LBHD2: variants seen among roughly 807,000 people sequenced by gnomAD.
LBHD2 encodes the protein LBH domain containing 2.
chr14:103,089,596 C>G (rs1889683711), intron 3 of LBHD2, 101 bp from the exon 4 acceptor site: 1 of 398,244 alleles, frequency 2.5e-6, no homozygotes, highest in East Asian at 3.6e-5. Context: ...CCTGGCCTGC[C>G]CCAGCCCAGT....
intron 2 of LBHD2, among the ~76,000 whole-genome samples, chr14:103,086,482 A>G (rs1482920264): frequency 6.6e-6 from 1 of 152,168 alleles, no homozygotes; most frequent in African/African-American, 2.4e-5. Context: ...AAGTGCTGGG[A>G]TTACAGGCGT....
At chr14:103,085,939 A>C (rs1052412754) in intron 1 of LBHD2, 37 bp from the exon 2 acceptor site, 2 of 398,336 alleles carry the variant, frequency 5.0e-6, no homozygotes. Flanking sequence ...TGGATCCAGC[A>C]TCAGGCCAAC....
Position 103,089,629 on chromosome 14 carries a change from G to A in LBHD2, c.227-68G>A, listed in dbSNP as rs375531696. 113 of 398,392 alleles carry A rather than the reference G, an allele frequency of 2.8e-4. 1 individual carries two copies. The highest frequency in any genetic ancestry group is 1.1e-3 in the South Asian group (9 of 7,860). The allele number at this position is 398,392 out of a possible 1,614,324, so 24.7% of individuals were successfully genotyped here. On this transcript the variant is annotated intron_variant, in intron 3 of 3. Transcript: ENST00000634353. ...AGTTGCCTGCCAAACGCTCATTTCG[G>A]GCCCCTGGGATCCTCTCAGGCTGCA...
intron 2 of LBHD2, among the ~76,000 whole-genome samples, chr14:103,086,621 C>T (rs367985550): frequency 5.3e-5 from 8 of 152,260 alleles, no homozygotes; most frequent in Admixed American, 1.3e-4. Flanking sequence ...CCCCAAGGCA[C>T]GCTTTGCTCT....
chr14:103,087,124 G>A (rs1889645520), intron 2 of LBHD2, among the ~76,000 whole-genome samples: 1 of 152,248 alleles, frequency 6.6e-6, no homozygotes, highest in Admixed American at 6.5e-5. Context: ...TCCCTGCTCT[G>A]CTGTCCTCTG....
At chr14:103,088,822 C>T (rs2139447406) in intron 3 of LBHD2, among the ~76,000 whole-genome samples, 1 of 152,308 alleles carries the variant, frequency 6.6e-6, no homozygotes, top group Admixed American at 6.5e-5. Flanking sequence ...GGTGAAACCC[C>T]ATCTCTACTA....
intron 3 of LBHD2, 142 bp from the exon 4 acceptor site, chr14:103,089,555 C>T: frequency 2.5e-6 from 1 of 397,140 alleles, no homozygotes; most frequent in Non-Finnish European, 4.4e-6. Context: ...GGCCGAGCAC[C>T]CCTCCCGCTT....
chr14:103,085,905 G>C, intron 1 of LBHD2, 71 bp from the exon 2 acceptor site: 1 of 397,606 alleles, frequency 2.5e-6, no homozygotes, highest in South Asian at 1.3e-4. Context: ...GGTGGGCTTA[G>C]CACCTGAAGC....
chr14:103,088,029 G>A (rs2139446935), intron 2 of LBHD2, 56 bp from the exon 3 acceptor site: 1 of 398,644 alleles, frequency 2.5e-6, no homozygotes, highest in African/African-American at 2.1e-5. Context: ...CAGGGGTAGG[G>A]GGGAATAGGA....
intron 2 of LBHD2, among the ~76,000 whole-genome samples, chr14:103,087,519 G>C (rs551441544): frequency 6.4e-4 from 97 of 152,346 alleles, no homozygotes; most frequent in African/African-American, 2.1e-3. Flanking sequence ...GACCTTGAAC[G>C]GGAGGTGGAG....
chr14:103,087,834 C>T (rs1566940505), intron 2 of LBHD2, among the ~76,000 whole-genome samples: 3 of 152,178 alleles, frequency 2.0e-5, no homozygotes, highest in Admixed American at 6.5e-5. Flanking sequence ...AGCACAGCTG[C>T]GTCCTATGGT....
At chr14:103,086,916 C>T (rs1444996107) in intron 2 of LBHD2, among the ~76,000 whole-genome samples, 2 of 152,192 alleles carry the variant, frequency 1.3e-5, no homozygotes, top group African/African-American at 2.4e-5. Flanking sequence ...AGCACCAGGA[C>T]TCCGAGCTGC....
intron 1 of LBHD2, 49 bp from the exon 2 acceptor site, chr14:103,085,927 T>C (rs1405800321): frequency 5.0e-6 from 2 of 397,590 alleles, no homozygotes; most frequent in East Asian, 3.6e-5. Context: ...TTCGGGGGAG[T>C]GTGGATCCAG....
At position 103,088,510 on chromosome 14, in the gene LBHD2, G is replaced by A. The variant is rs147750028; in HGVS notation, c.226+269G>A. Among the ~76,000 whole-genome samples, 726 of 152,352 alleles carry A rather than the reference G, an allele frequency of 4.8e-3. 4 individuals are homozygous for A. Among genetic ancestry groups the A allele is most frequent in the Non-Finnish European group, 8.3e-3 (564 of 68,034 alleles). ...GCAGGCCTGGGCACGGGAGGTGCAC[G>A]GTGCATAATTGTTGAATGAGTGATG... On this transcript the variant is annotated intron_variant, in intron 3 of 3. Coordinates refer to ENST00000634353, the MANE Select transcript of LBHD2 (RefSeq NM_001330236.2).
In LBHD2 at chr14:103,089,478, C is replaced by T. The variant is rs185299995; in HGVS notation, c.227-219C>T. 2.0e-4 allele frequency among the ~76,000 whole-genome samples: 31 copies of T among 152,294 alleles called. 2 individuals carry two copies. The highest frequency in any genetic ancestry group is 7.5e-4 in the African/African-American group (31 of 41,556). ...TGCCCTGGACTTCCCTTCCCTCTGC[C>T]ACCCCATCATCTGGTGGATGTGGGA... On this transcript the variant is annotated intron_variant, in intron 3 of 3. Coordinates refer to ENST00000634353, the MANE Select transcript of LBHD2 (RefSeq NM_001330236.2).
chr14:103,089,765 T>A lies in LBHD2; in HGVS notation c.295T>A (p.Ser99Thr), dbSNP rs12882976. The change falls in exon 4 of 4, where the codon TCC (serine) becomes ACC (threonine). Residue 99 changes from serine (S) to threonine (T), a missense_variant. By Grantham distance (58) the Ser-to-Thr change is moderately conservative. Transcript: ENST00000634353. ...ADNAGSECAC[S>T]EDPAAPARG Reference sequence around the variant, plus strand: ...TAACGCTGGCAGCGAGTGTGCCTGCTCCGAGGACCCAGCAGCCCCGGCCCG... The same window carrying A: ...TAACGCTGGCAGCGAGTGTGCCTGCACCGAGGACCCAGCAGCCCCGGCCCG... The A allele has an allele frequency of 1.0e-5, 4 of 398,434 alleles. No individual in the cohort carries two copies. Among genetic ancestry groups the A allele is most frequent in the South Asian group, 2.5e-4 (2 of 7,864 alleles). 24.7% of individuals were successfully genotyped at this position (398,434 alleles called of 1,614,324 possible).
At chr14:103,085,632 G>A (rs1421722519) in intron 1 of LBHD2, among the ~76,000 whole-genome samples, 3 of 152,202 alleles carry the variant, frequency 2.0e-5, no homozygotes, top group African/African-American at 7.2e-5. Flanking sequence ...GACACTCCGT[G>A]TCCTTCCTGC....
intron 2 of LBHD2, 148 bp from the exon 3 acceptor site, chr14:103,087,937 T>C (rs1321543862): frequency 1.0e-5 from 4 of 397,192 alleles, no homozygotes; most frequent in Non-Finnish European, 1.3e-5. Flanking sequence ...GATGTTCCTG[T>C]GTGAATACAC....
At chr14:103,088,517 A>G (rs1403983750) in intron 3 of LBHD2, among the ~76,000 whole-genome samples, 1 of 152,306 alleles carries the variant, frequency 6.6e-6, no homozygotes, top group East Asian at 1.9e-4. Flanking sequence ...CACGGTGCAT[A>G]ATTGTTGAAT....
Sources: gnomAD v4.1 joint callset for allele counts (sites outside exome capture counted in the v4.1 genomes callset) on GRCh38, gnomAD v4.1.1 for gene constraint, MANE v1.5 for transcripts, NCBI Gene and HGNC (gene_info 2026-07-23, HGNC 2026-07-21) for gene names.